GABPB2: variants seen among roughly 807,000 people sequenced by gnomAD.
GABPB2 encodes the protein GA binding protein transcription factor subunit beta 2, also known as GA-binding protein subunit beta-2.
In GABPB2, 23 loss-of-function variants were observed where a neutral mutation model predicts 39.1. The observed-to-expected ratio is 0.59, with a 90% CI of 0.42 to 0.83. The LOEUF is 0.83. GABPB2 is among the 40% of genes least tolerant of loss of function. The probability of loss-of-function intolerance (pLI) is 0.00; values close to 1 mark genes in which losing one functional copy is unlikely to be tolerated. For synonymous variants in GABPB2, 184 were observed against 199.3 expected (o/e 0.92, Z 0.65); for missense variants, 467 against 541.1 (o/e 0.86, Z 1.36).
intron 1 of GABPB2, among the ~76,000 whole-genome samples, chr1:151,072,143 C>T (rs1041908735): frequency 3.3e-5 from 5 of 152,196 alleles, no homozygotes; most frequent in Admixed American, 3.3e-4. Flanking sequence ...GAAAACTGCC[C>T]CATCCAGATT....
At position 151,117,267 on chromosome 1, in the gene GABPB2, C is replaced by G. The variant is rs587750547; in HGVS notation, c.923-125C>G. The G allele has an allele frequency of 2.3e-5, 23 of 994,110 alleles. No homozygotes were observed. In the South Asian group the frequency reaches 3.3e-4, roughly 14 times the overall value. 61.6% of individuals were successfully genotyped at this position (994,110 alleles called of 1,614,324 possible). On this transcript the variant is annotated intron_variant, in intron 7 of 8. Transcript: ENST00000368918. ...AGTCAGCTGCCTGAGTAGCTAGGAC[C>G]ACAGGCACACACCACTGTACCCAAC...
intron 6 of GABPB2, 146 bp from the exon 7 acceptor site, chr1:151,106,891 C>G (rs1163946140): frequency 3.8e-6 from 2 of 523,182 alleles, no homozygotes; most frequent in East Asian, 6.5e-5. Context: ...GCATTGTTCA[C>G]AAAACCTTTT....
Position 151,121,281 on chromosome 1 carries a change from G to A in GABPB2, c.*3025G>A. 1 of 152,124 alleles carries A rather than the reference G, an allele frequency of 6.6e-6. No homozygotes were observed. The highest frequency in any genetic ancestry group is 1.9e-4 in the East Asian group (1 of 5,202). 9.4% of individuals were successfully genotyped at this position (152,124 alleles called of 1,614,324 possible). A position where few individuals can be genotyped will look rare whatever the true frequency, so the allele number is the denominator to read the frequency against. ...GTTACAGAGCTTTGTGCCTTATAGG[G>A]TGCTCAGTGTGTGTTGACAAAGGGA... On this transcript the variant is annotated 3_prime_UTR_variant, in exon 9 of 9. Coordinates refer to ENST00000368918, the MANE Select transcript of GABPB2 (RefSeq NM_144618.3).
intron 7 of GABPB2, among the ~76,000 whole-genome samples, chr1:151,114,986 G>A (rs1411469134): frequency 2.0e-5 from 3 of 152,132 alleles, no homozygotes; most frequent in Non-Finnish European, 2.9e-5. Flanking sequence ...CTCCAATCCG[G>A]CCTGGGTGGA....
chr1:151,089,547 T>C lies in GABPB2; in HGVS notation c.109-859T>C, dbSNP rs587750356. Among the ~76,000 whole-genome samples the C allele has an allele frequency of 3.3e-5, 5 of 152,318 alleles. No individual in the cohort carries two copies. The East Asian group carries it at 9.6e-4, about 29-fold the overall frequency. ...TCTCATCATTCATTTTGCCCTGCTT[T>C]ACTGTGGCAAAAAACTTTTCTTCCA... On this transcript the variant is annotated intron_variant, in intron 2 of 8. Coordinates refer to ENST00000368918, the MANE Select transcript of GABPB2 (RefSeq NM_144618.3).
At chr1:151,087,831 A>C (rs982705992) in intron 1 of GABPB2, among the ~76,000 whole-genome samples, 3 of 152,168 alleles carry the variant, frequency 2.0e-5, no homozygotes, top group African/African-American at 7.2e-5. Flanking sequence ...ATCAAAGTAC[A>C]TACTTTATTA....
chr1:151,124,255 G>C lies in GABPB2; in HGVS notation c.*5999G>C, dbSNP rs914507531. ...TGGCTCATTGCAACCTCTGTCTCCC[G>C]GGTTCAAGCGATTCTTCTGCCTCAG... On this transcript the variant is annotated 3_prime_UTR_variant, in exon 9 of 9. Coordinates refer to ENST00000368918, the MANE Select transcript of GABPB2 (RefSeq NM_144618.3). The C allele has an allele frequency of 6.6e-6, 1 of 150,554 alleles. No individual in the cohort carries two copies. The highest frequency in any genetic ancestry group is 1.5e-5 in the Non-Finnish European group (1 of 67,796). 9.3% of individuals were successfully genotyped at this position (150,554 alleles called of 1,614,324 possible). A position where few individuals can be genotyped will look rare whatever the true frequency, so the allele number is the denominator to read the frequency against.
Position 151,118,319 on chromosome 1 carries a change from A to G in GABPB2, c.*63A>G, listed in dbSNP as rs1681044684. The G allele has an allele frequency of 7.0e-7, 1 of 1,433,198 alleles. No individual in the cohort carries two copies. The highest frequency in any genetic ancestry group is 1.4e-5 in the African/African-American group (1 of 70,250). 88.8% of individuals were successfully genotyped at this position (1,433,198 alleles called of 1,614,324 possible). On this transcript the variant is annotated 3_prime_UTR_variant, in exon 9 of 9. Coordinates refer to ENST00000368918, the MANE Select transcript of GABPB2 (RefSeq NM_144618.3). ...TCCTCTTTTAAAAAAGGAAATATAC[A>G]GAAGACAAACATTGTATAAAAACTA...
At chr1:151,073,394 A>G in intron 1 of GABPB2, among the ~76,000 whole-genome samples, 1 of 152,106 alleles carries the variant, frequency 6.6e-6, no homozygotes, top group East Asian at 1.9e-4. Flanking sequence ...GCAAGGGAGA[A>G]CATGTTAGTT....
At chr1:151,085,247 A>C (rs587610769) in intron 1 of GABPB2, among the ~76,000 whole-genome samples, 1 of 152,048 alleles carries the variant, frequency 6.6e-6, no homozygotes, top group South Asian at 2.1e-4. Flanking sequence ...AAATAAAAAA[A>C]TTAGCTGGGC....
chr1:151,075,165 A>G (rs6668894), intron 1 of GABPB2, among the ~76,000 whole-genome samples: 119,390 of 151,940 alleles, frequency 0.79, 47,110 homozygotes, highest in East Asian at 0.91. Flanking sequence ...GGCCAGGCGC[A>G]GTGGCTCATG....
intron 1 of GABPB2, among the ~76,000 whole-genome samples, chr1:151,071,375 A>T (rs949342109): frequency 6.6e-6 from 1 of 151,872 alleles, no homozygotes; most frequent in African/African-American, 2.4e-5. Flanking sequence ...ATCTGACCCA[A>T]ATAATGACCT....
chr1:151,077,544 A>G (rs1677279261), intron 1 of GABPB2, among the ~76,000 whole-genome samples: 2 of 151,712 alleles, frequency 1.3e-5, no homozygotes, highest in South Asian at 4.2e-4. Flanking sequence ...TTTAGTAGAC[A>G]CAGGGTTTCA....
At chr1:151,076,794 ATT>A (rs57200969) in intron 1 of GABPB2, among the ~76,000 whole-genome samples, 17 of 120,074 alleles carry the variant, frequency 1.4e-4, no homozygotes, top group Admixed American at 8.6e-5. Flanking sequence ...ACTTGGTCTG[ATT>A]TTTTTTTTTT....
chr1:151,106,103 A>G (rs1235038389), intron 6 of GABPB2, among the ~76,000 whole-genome samples: 1 of 151,536 alleles, frequency 6.6e-6, no homozygotes, highest in East Asian at 1.9e-4. Flanking sequence ...CTGGGATTAC[A>G]GGCGCCCACC....
intron 1 of GABPB2, chr1:151,072,893 A>T (rs1164422911): frequency 1.3e-5 from 2 of 152,180 alleles, no homozygotes; most frequent in Non-Finnish European, 2.9e-5. Context: ...CCCTATTGAT[A>T]TATATTTAGG....
chr1:151,114,205 T>C (rs1680682345), intron 7 of GABPB2, among the ~76,000 whole-genome samples: 1 of 151,238 alleles, frequency 6.6e-6, no homozygotes, highest in South Asian at 2.1e-4. Flanking sequence ...AAAAAAAATA[T>C]ATTAGCCAGG....
At chr1:151,085,161 G>A (rs1678071936) in intron 1 of GABPB2, among the ~76,000 whole-genome samples, 1 of 151,496 alleles carries the variant, frequency 6.6e-6, no homozygotes, top group Admixed American at 6.6e-5. Context: ...ACTTTGGGAG[G>A]CCGAGGCAGG....
intron 7 of GABPB2, among the ~76,000 whole-genome samples, chr1:151,113,815 T>C (rs2101569149): frequency 6.6e-6 from 1 of 151,956 alleles, no homozygotes; most frequent in South Asian, 2.1e-4. Context: ...ACCGTGCCCA[T>C]CCTCTACTTT....
Sources: allele counts gnomAD v4.1 joint callset (sites outside exome capture counted in the v4.1 genomes callset), GRCh38; gene constraint gnomAD v4.1.1; transcripts MANE v1.5; gene names NCBI Gene and HGNC (gene_info 2026-07-23, HGNC 2026-07-21).